LAIR1: variants seen among roughly 807,000 people sequenced by gnomAD.
LAIR1 encodes the protein leukocyte associated immunoglobulin like receptor 1, also known as leukocyte-associated immunoglobulin-like receptor 1.
In LAIR1, 24 loss-of-function variants were observed where a neutral mutation model predicts 32.8. The observed-to-expected ratio is 0.73, with a 90% confidence interval of 0.53 to 1.03. The LOEUF is 1.03. Ranked by LOEUF, LAIR1 falls within the 50% of genes least tolerant of loss-of-function variation. The pLI is 0.00. For synonymous variants in LAIR1, 150 were observed against 140.5 expected (o/e 1.07, Z -0.48); for missense variants, 355 against 347.5 (o/e 1.02, Z -0.17).
Position 54,354,967 on chromosome 19 carries a change from ACAGT to A in LAIR1, c.*297_*300del. Reference sequence around the variant, plus strand: ...GGTGACTTTAGCTGGGTCTCTGGAAACAGTCAGGTGAATAAAGCTGGGTCTCTAG... The same window carrying A: ...GGTGACTTTAGCTGGGTCTCTGGAAACAGGTGAATAAAGCTGGGTCTCTAG... On this transcript the variant is annotated 3_prime_UTR_variant, in exon 10 of 10. Coordinates refer to ENST00000391742, the MANE Select transcript of LAIR1 (RefSeq NM_002287.6). 1 of 324,402 alleles carries A rather than the reference ACAGT, an allele frequency of 3.1e-6. No homozygotes were observed. Among genetic ancestry groups the A allele is most frequent in the Non-Finnish European group, 5.6e-6 (1 of 178,998 alleles). The allele number at this position is 324,402 out of a possible 1,614,324, so 20.1% of individuals were successfully genotyped here.
At position 54,351,785 on chromosome 19, in the gene LAIR1, C is replaced by CAA. The variant is rs980643876; in HGVS notation, c.*3482_*3483insTT. ...ATGGGGCTATGACAGAGAAGGTAGA[C>CAA]GAGGTGTTGGGCAGCCCTGGACACC... On this transcript the variant is annotated 3_prime_UTR_variant, in exon 10 of 10. Transcript: ENST00000391742. 144,630 of 151,988 alleles carry CAA rather than the reference C, an allele frequency of 0.95. 68,834 individuals carry two copies. Among genetic ancestry groups the CAA allele is most frequent in the Middle Eastern group, 0.98 (288 of 294 alleles). The allele number at this position is 151,988 out of a possible 1,614,324, so 9.4% of individuals were successfully genotyped here. A position where few individuals can be genotyped will look rare whatever the true frequency, so the allele number is the denominator to read the frequency against.
upstream of LAIR1, chr19:54,365,191 T>C: frequency 2.4e-6 from 1 of 424,846 alleles, no homozygotes; most frequent in Non-Finnish European, 3.4e-6. Context: ...GGCAAGACGT[T>C]ACAAAACTAG....
At chr19:54,363,072 G>T (rs537303001) in intron 2 of LAIR1, among the ~76,000 whole-genome samples, 130 of 151,942 alleles carry the variant, frequency 8.6e-4, no homozygotes, top group African/African-American at 2.8e-3. Flanking sequence ...GAAAATTTTT[G>T]AATACAATTT....
Position 54,357,404 on chromosome 19 carries a change from C to T in LAIR1, c.416-438G>A, listed in dbSNP as rs116037777. 712 of 159,230 alleles carry T rather than the reference C, an allele frequency of 4.5e-3. 7 individuals are homozygous for T. The highest frequency in any genetic ancestry group is 0.016 in the African/African-American group (675 of 41,842). 9.9% of individuals were successfully genotyped at this position (159,230 alleles called of 1,614,324 possible). A position where few individuals can be genotyped will look rare whatever the true frequency, so the allele number is the denominator to read the frequency against. On this transcript the variant is annotated intron_variant, in intron 4 of 9. Coordinates refer to ENST00000391742, the MANE Select transcript of LAIR1 (RefSeq NM_002287.6). ...AGGAAGGGAGACCTTCCCTCCCTGACCTCCTTCTGGGTTCCCACCAGAGGG... is the reference window on the plus strand; with the variant it reads ...AGGAAGGGAGACCTTCCCTCCCTGATCTCCTTCTGGGTTCCCACCAGAGGG...
At chr19:54,373,199 T>G (rs1026086284), upstream of LAIR1, among the ~76,000 whole-genome samples, 6 of 150,242 alleles carry the variant, frequency 4.0e-5, no homozygotes, top group African/African-American at 5.0e-5. Context: ...TCCCAGCACT[T>G]TGGGAGGCCA....
At chr19:54,369,890 T>G (rs1416565093), upstream of LAIR1, among the ~76,000 whole-genome samples, 3 of 150,664 alleles carry the variant, frequency 2.0e-5, no homozygotes, top group Non-Finnish European at 4.4e-5. Context: ...ATCTTCCTCC[T>G]GAGATGTGGT....
rs2081548773 is a variant in LAIR1, at chr19:54,352,393, A to C, written c.*2875T>G. On this transcript the variant is annotated 3_prime_UTR_variant, in exon 10 of 10. Transcript: ENST00000391742. ...GGTGCTTGGGGGCCCGTGCAGCAGGAGGGACATCTTCTCCGCACAGCAATG... is the reference window on the plus strand; with the variant it reads ...GGTGCTTGGGGGCCCGTGCAGCAGGCGGGACATCTTCTCCGCACAGCAATG... The C allele has an allele frequency of 6.5e-6, 1 of 153,742 alleles. No homozygotes were observed. The highest frequency in any genetic ancestry group is 6.5e-5 in the Admixed American group (1 of 15,268). 9.5% of individuals were successfully genotyped at this position (153,742 alleles called of 1,614,324 possible).
chr19:54,365,370 G>T (rs763525978), upstream of LAIR1, among the ~76,000 whole-genome samples: 2 of 152,090 alleles, frequency 1.3e-5, no homozygotes, highest in African/African-American at 2.4e-5. Flanking sequence ...GGAGAAACTG[G>T]ATCCCTCGCA....
rs960767892 is a variant in LAIR1 at position 54,355,517 on chromosome 19, C to A, written c.718-103G>T. On this transcript the variant is annotated intron_variant, in intron 9 of 9. Coordinates refer to ENST00000391742, the MANE Select transcript of LAIR1 (RefSeq NM_002287.6). This position sits in a 1 kb window ranked among gnomAD's most constrained non-coding sequence, Gnocchi z 4.7. The stretch of plus-strand genomic sequence containing the variant: ...CGGCCATCTCCATGGGCCCTGAGGA[C>A]CCTCTCCTAAATTGCATCCGTGTGA... 9.4e-7 allele frequency: 1 copy of A among 1,062,088 alleles called. No individual in the cohort carries two copies. The allele number at this position is 1,062,088 out of a possible 1,614,324, so 65.8% of individuals were successfully genotyped here.
chr19:54,364,598 G>A lies in LAIR1; in HGVS notation c.34+173C>T. 1 of 831,624 alleles carries A rather than the reference G, an allele frequency of 1.2e-6. No individual in the cohort carries two copies. 51.5% of individuals were successfully genotyped at this position (831,624 alleles called of 1,614,324 possible). A position where few individuals can be genotyped will look rare whatever the true frequency, so the allele number is the denominator to read the frequency against. ...CCCCACACCCGGGCCCCTGTTTTTA[G>A]GACAAGATCTTCTCTGATCAGACTT... On this transcript the variant is annotated intron_variant, in intron 1 of 9. Coordinates refer to ENST00000391742, the MANE Select transcript of LAIR1 (RefSeq NM_002287.6). This position sits in a 1 kb window ranked among gnomAD's most constrained non-coding sequence, Gnocchi z 4.8.
chr19:54,365,815 C>G (rs541469226), upstream of LAIR1, among the ~76,000 whole-genome samples: 78 of 152,028 alleles, frequency 5.1e-4, no homozygotes, highest in Admixed American at 2.2e-3. Context: ...GTCAAAGAGC[C>G]GTCTGAACTC....
intron 2 of LAIR1, among the ~76,000 whole-genome samples, chr19:54,362,463 C>T (rs1469481627): frequency 6.6e-6 from 1 of 152,144 alleles, no homozygotes. Flanking sequence ...AAGGGAGGAC[C>T]GGTATTGATC....
chr19:54,359,624 G>T (rs981242223), intron 4 of LAIR1, among the ~76,000 whole-genome samples: 2 of 152,268 alleles, frequency 1.3e-5, no homozygotes, highest in African/African-American at 2.4e-5. Context: ...GCAGCGTGGA[G>T]CTCGGGCGAG....
intron 2 of LAIR1, among the ~76,000 whole-genome samples, chr19:54,363,113 T>C (rs904846208): frequency 6.6e-6 from 1 of 152,068 alleles, no homozygotes; most frequent in African/African-American, 2.4e-5. Context: ...TGGTCATGGT[T>C]GTGCTTTTGC....
At chr19:54,367,783 T>TG (rs1555947080), upstream of LAIR1, among the ~76,000 whole-genome samples, 1 of 147,048 alleles carries the variant, frequency 6.8e-6, no homozygotes, top group African/African-American at 2.5e-5. Context: ...TTTTTTTTTT[T>TG]GAGACAGAGT....
At chr19:54,356,688 G>A (rs1430818718) in intron 5 of LAIR1, 69 bp from the exon 6 acceptor site, 49 of 1,463,754 alleles carry the variant, frequency 3.3e-5, no homozygotes, top group African/African-American at 5.6e-5. Context: ...CCACACACAC[G>A]TCACGTGCGT....
rs942257049 is a variant in LAIR1 at position 54,356,531 on chromosome 19, C to G, written c.543G>C (p.Leu181=). The G allele has an allele frequency of 9.3e-6, 15 of 1,613,860 alleles. No homozygotes were observed. The Middle Eastern group carries it at 6.6e-4, about 71-fold the overall frequency. ...TCTGGCGATGGAGGCAGAAGAGGAC[C>G]AGGAGGAGGAGACAGAAGAGGAAGA... ...SVVFLFCLLL[L]VLFCLHRQNQ... Residue 181 remains leucine, a synonymous_variant, in exon 6 of 10, where the codon CTG becomes CTC. Coordinates refer to ENST00000391742, the MANE Select transcript of LAIR1 (RefSeq NM_002287.6).
At chr19:54,373,775 T>C (rs2082459092), upstream of LAIR1, among the ~76,000 whole-genome samples, 1 of 152,222 alleles carries the variant, frequency 6.6e-6, no homozygotes, top group Non-Finnish European at 1.5e-5. Context: ...AAATGACCAG[T>C]GCGGTTTTCT....
At position 54,351,751 on chromosome 19, in the gene LAIR1, G is replaced by A. The variant is rs187986980; in HGVS notation, c.*3517C>T. 1.5e-3 allele frequency: 208 copies of A among 141,364 alleles called. 1 individual carries two copies. Among genetic ancestry groups the A allele is most frequent in the African/African-American group, 5.3e-3 (196 of 37,202 alleles). The allele number at this position is 141,364 out of a possible 1,614,324, so 8.8% of individuals were successfully genotyped here. A position where few individuals can be genotyped will look rare whatever the true frequency, so the allele number is the denominator to read the frequency against. ...GGTTTGGTGTATTCATCCAGAGAGA[G>A]TGTTTTAAATGGGGCTATGACAGAG... On this transcript the variant is annotated 3_prime_UTR_variant, in exon 10 of 10. Coordinates refer to ENST00000391742, the MANE Select transcript of LAIR1 (RefSeq NM_002287.6).
Sources: gnomAD v4.1 joint callset for allele counts (sites outside exome capture counted in the v4.1 genomes callset) on GRCh38, gnomAD v4.1.1 for gene constraint, Gnocchi (gnomAD v3.1) non-coding constraint, MANE v1.5 for transcripts, NCBI Gene and HGNC (gene_info 2026-07-23, HGNC 2026-07-21) for gene names.